PCDHGA11: variants seen among roughly 807,000 people sequenced by gnomAD.
The protein encoded by PCDHGA11 is protocadherin gamma subfamily A, 11.
In PCDHGA11, 39 loss-of-function variants were observed where a neutral mutation model predicts 60.4. The observed-to-expected ratio is 0.65, with a 90% CI of 0.50 to 0.84. The LOEUF is 0.84. Among genes scored for constraint, PCDHGA11 ranks in the 40% least tolerant of loss-of-function variants. PCDHGA11 has a pLI of 0.00. For missense variants in PCDHGA11, 1,165 were observed against 1,197.7 expected (o/e 0.97, Z 0.40); for synonymous variants, 533 against 510.3 (o/e 1.04, Z -0.60).
In PCDHGA11 at chr5:141,422,723, G is replaced by T; in HGVS notation, c.1496G>T (p.Gly499Val). 1 of 1,605,958 alleles carries T rather than the reference G, an allele frequency of 6.2e-7. No homozygotes were observed. Among genetic ancestry groups the T allele is most frequent in the South Asian group, 1.1e-5 (1 of 89,352 alleles). ...TCTCTGACGGATGACACTGTCCAGG[G>T]GGTGCCTCTGTCCTCCTATGTCTCT... ...TYSLTDDTVQ[G>V]VPLSSYVSIN... is the part of the protein sequence containing the mutation. Residue 499 changes from glycine (G) to valine (V), a missense_variant, in exon 1 of 4, where the codon GGG becomes GTG. Gly to Val is a moderately radical substitution (Grantham distance 109). Coordinates refer to ENST00000398587, the MANE Select transcript of PCDHGA11 (RefSeq NM_018914.3).
At chr5:141,465,152 G>C (rs1028596804) in intron 1 of PCDHGA11, among the ~76,000 whole-genome samples, 1 of 151,422 alleles carries the variant, frequency 6.6e-6, no homozygotes, top group African/African-American at 2.4e-5. Flanking sequence ...TATATGAAGG[G>C]ACTCTAAATG....
intron 2 of PCDHGA11, among the ~76,000 whole-genome samples, chr5:141,498,604 C>G (rs1445417630): frequency 6.6e-6 from 1 of 152,122 alleles, no homozygotes; most frequent in East Asian, 1.9e-4. Flanking sequence ...GGTTCAAGTT[C>G]AAGTCAGCAC....
At chr5:141,435,858 A>C (rs138728159) in intron 1 of PCDHGA11, among the ~76,000 whole-genome samples, 1 of 152,304 alleles carries the variant, frequency 6.6e-6, no homozygotes, top group East Asian at 1.9e-4. Context: ...TACAATAGTT[A>C]AAACCCAGAA....
At position 141,430,969 on chromosome 5, in the gene PCDHGA11, T is replaced by C. The variant is rs560722324; in HGVS notation, c.2433+7309T>C. The C allele has an allele frequency of 1.5e-4, 246 of 1,613,012 alleles. 3 individuals carry two copies. The South Asian group carries it at 2.6e-3, about 17-fold the overall frequency. The stretch of plus-strand genomic sequence containing the variant: ...GCGGAGTCCGCATCATCCCCAGAGG[T>C]AGGACGCAGCTTTTCGCCCTGAATC... On this transcript the variant is annotated intron_variant, in intron 1 of 3. Transcript: ENST00000398587.
intron 1 of PCDHGA11, chr5:141,424,504 GT>G (rs892941709): frequency 6.6e-6 from 1 of 152,016 alleles, no homozygotes; most frequent in Non-Finnish European, 1.5e-5. Context: ...TGTATGGAAG[GT>G]TTTTTAATGT....
chr5:141,496,533 G>A (rs2099769399), intron 2 of PCDHGA11, among the ~76,000 whole-genome samples: 2 of 152,176 alleles, frequency 1.3e-5, no homozygotes, highest in Admixed American at 1.3e-4. Context: ...GTGTATGGCA[G>A]AGATTCCAGC....
chr5:141,485,625 G>C lies in PCDHGA11; in HGVS notation c.2434-9182G>C. On this transcript the variant is annotated intron_variant, in intron 1 of 3. Transcript: ENST00000398587. This position sits in a 1 kb window ranked among gnomAD's most constrained non-coding sequence, Gnocchi z 5.7. ...GGGGAGGCAGCTCCTCCAGGACAGC[G>C]TTTCCCGTTGGAAAAGGCTCAGGAT... The C allele has an allele frequency of 6.2e-7, 1 of 1,611,968 alleles. No individual in the cohort carries two copies. Among genetic ancestry groups the C allele is most frequent in the Non-Finnish European group, 8.5e-7 (1 of 1,178,504 alleles).
rs779686795 is a variant in PCDHGA11, at chr5:141,476,566, G to A, written c.2434-18241G>A. On this transcript the variant is annotated intron_variant, in intron 1 of 3. Coordinates refer to ENST00000398587, the MANE Select transcript of PCDHGA11 (RefSeq NM_018914.3). The surrounding 1 kb of genome is among the most constrained non-coding windows in gnomAD (Gnocchi z 7.6). ...TGGAGATTAGCGAGGCCGTGGCTCC[G>A]GGGACGCGCTTTCCGCTCGAGAGCG... The A allele has an allele frequency of 1.2e-6, 2 of 1,614,062 alleles. No homozygotes were observed. Among genetic ancestry groups the A allele is most frequent in the East Asian group, 2.2e-5 (1 of 44,872 alleles).
At chr5:141,441,173 C>G (rs2098230611) in intron 1 of PCDHGA11, 1 of 152,180 alleles carries the variant, frequency 6.6e-6, no homozygotes, top group South Asian at 2.1e-4. Context: ...ATTTTTACTT[C>G]TAATTCCACA....
intron 1 of PCDHGA11, among the ~76,000 whole-genome samples, chr5:141,456,625 C>T (rs544550965): frequency 4.6e-5 from 7 of 152,288 alleles, no homozygotes; most frequent in African/African-American, 1.4e-4. Flanking sequence ...AGATTTGCCT[C>T]TTCTTTACTA....
In PCDHGA11 at chr5:141,477,681, T is replaced by G; in HGVS notation, c.2434-17126T>G. On this transcript the variant is annotated intron_variant, in intron 1 of 3. Transcript: ENST00000398587. This position sits in a 1 kb window ranked among gnomAD's most constrained non-coding sequence, Gnocchi z 4.9. ...CGTGACAATGGCATAGTGTCATCCT[T>G]AGTGCCCCTAGACTATGAGGATCGG... 1 of 1,614,180 alleles carries G rather than the reference T, an allele frequency of 6.2e-7. No individual in the cohort carries two copies. Among genetic ancestry groups the G allele is most frequent in the Non-Finnish European group, 8.5e-7 (1 of 1,180,046 alleles).
chr5:141,430,635 T>A, intron 1 of PCDHGA11: 3 of 881,948 alleles, frequency 3.4e-6, no homozygotes, highest in Non-Finnish European at 5.0e-6. Flanking sequence ...GAACCATCCC[T>A]GGGAGTATGT....
chr5:141,452,710 G>GAAGT (rs1343622540), intron 1 of PCDHGA11, among the ~76,000 whole-genome samples: 1 of 151,996 alleles, frequency 6.6e-6, no homozygotes, highest in Non-Finnish European at 1.5e-5. Flanking sequence ...AGAAAGGAAG[G>GAAGT]AATGAGGGAG....
intron 1 of PCDHGA11, among the ~76,000 whole-genome samples, chr5:141,448,712 G>A (rs1439461223): frequency 1.3e-5 from 2 of 152,004 alleles, no homozygotes; most frequent in African/African-American, 2.4e-5. Flanking sequence ...AGGCCGAGGC[G>A]GGAGGATCAC....
intron 1 of PCDHGA11, among the ~76,000 whole-genome samples, chr5:141,457,444 G>T (rs1253183319): frequency 6.6e-6 from 1 of 152,134 alleles, no homozygotes; most frequent in African/African-American, 2.4e-5. Context: ...AGCTGCAGAA[G>T]ATCACCACTT....
intron 1 of PCDHGA11, among the ~76,000 whole-genome samples, chr5:141,450,815 A>ATTATTAT (rs1554136868): frequency 7.9e-6 from 1 of 126,684 alleles, no homozygotes; most frequent in African/African-American, 3.3e-5. Context: ...TATTTATTTA[A>ATTATTAT]TATTATTATT....
rs745457172 is a variant in PCDHGA11 at position 141,490,744 on chromosome 5, C to T, written c.2434-4063C>T. The stretch of plus-strand genomic sequence containing the variant: ...TGTAGGAAATCAGGTTCAGGGAGCC[C>T]CAGCCTCCTCCTTTGTGTATGTCAA... On this transcript the variant is annotated intron_variant, in intron 1 of 3. Coordinates refer to ENST00000398587, the MANE Select transcript of PCDHGA11 (RefSeq NM_018914.3). The surrounding 1 kb of genome is among the most constrained non-coding windows in gnomAD (Gnocchi z 5.4). 1 of 1,614,142 alleles carries T rather than the reference C, an allele frequency of 6.2e-7. No homozygotes were observed. Among genetic ancestry groups the T allele is most frequent in the Non-Finnish European group, 8.5e-7 (1 of 1,180,006 alleles).
chr5:141,476,950 A>T lies in PCDHGA11; in HGVS notation c.2434-17857A>T, dbSNP rs1224572890. 2 of 1,614,158 alleles carry T rather than the reference A, an allele frequency of 1.2e-6. No homozygotes were observed. The highest frequency in any genetic ancestry group is 4.5e-5 in the East Asian group (2 of 44,878). ...ATCTGGATGAAGGCCCCAACGGTGA[A>T]ATTATTTACTCCTTCGGCAGCCACA... On this transcript the variant is annotated intron_variant, in intron 1 of 3. Transcript: ENST00000398587. The surrounding 1 kb of genome is among the most constrained non-coding windows in gnomAD (Gnocchi z 7.6).
In PCDHGA11 at chr5:141,512,739, T is replaced by C. The variant is rs1251649814; in HGVS notation, c.*1566T>C. The stretch of plus-strand genomic sequence containing the variant: ...GGCGGGTGGGCAGCGGGCGGCGGGC[T>C]CCGCGCAGCCGTCTGTCCTTGATCT... On this transcript the variant is annotated 3_prime_UTR_variant, in exon 4 of 4. Transcript: ENST00000398587. 1 of 152,822 alleles carries C rather than the reference T, an allele frequency of 6.5e-6. No individual in the cohort carries two copies. The highest frequency in any genetic ancestry group is 2.4e-5 in the African/African-American group (1 of 41,464). 9.5% of individuals were successfully genotyped at this position (152,822 alleles called of 1,614,324 possible).
Sources: gnomAD v4.1 joint callset for allele counts (sites outside exome capture counted in the v4.1 genomes callset) on GRCh38, gnomAD v4.1.1 for gene constraint, Gnocchi (gnomAD v3.1) non-coding constraint, MANE v1.5 for transcripts, NCBI Gene and HGNC (gene_info 2026-07-23, HGNC 2026-07-21) for gene names.